PIK3C2G: variants seen among roughly 807,000 people sequenced by gnomAD.
PIK3C2G encodes phosphatidylinositol-4-phosphate 3-kinase catalytic subunit type 2 gamma.
Under a neutral mutation model 181.1 loss-of-function variants are expected in PIK3C2G, and 168 were observed. The observed-to-expected ratio is 0.93, with a 90% CI of 0.82 to 1.05. PIK3C2G has a LOEUF of 1.05. PIK3C2G is among the 50% of genes least tolerant of loss of function. The pLI is 0.00. For missense variants in PIK3C2G, 1,869 were observed against 1,732.8 expected (o/e 1.08, Z -1.40); for synonymous variants, 573 against 592.2 (o/e 0.97, Z 0.47).
chr12:18,701,837 T>C, the PIK3C2G span: 1 of 1,544,904 alleles, frequency 6.5e-7, no homozygotes, highest in Non-Finnish European at 8.7e-7. Context: ...ATTGTAACAG[T>C]CACTGAAAAG....
At chr12:18,494,685 A>G (rs1397130504) in intron 20 of PIK3C2G, among the ~76,000 whole-genome samples, 1 of 146,210 alleles carries the variant, frequency 6.8e-6, no homozygotes, top group East Asian at 2.1e-4. Context: ...CAGAATTTAA[A>G]AACCACTGAT....
chr12:18,405,294 TGAAGCTACG>T (rs1944459642), intron 16 of PIK3C2G, among the ~76,000 whole-genome samples: 1 of 152,152 alleles, frequency 6.6e-6, no homozygotes, highest in Non-Finnish European at 1.5e-5. Context: ...AGGCAGTAGT[TGAAGCTACG>T]GAAGTAGAGG....
intron 18 of PIK3C2G, among the ~76,000 whole-genome samples, chr12:18,474,675 G>A (rs957987128): frequency 2.0e-5 from 3 of 152,074 alleles, no homozygotes; most frequent in African/African-American, 7.2e-5. Flanking sequence ...AAGAAGATGA[G>A]TTAAGCATTA....
At chr12:18,491,636 C>A in intron 20 of PIK3C2G, 78 bp downstream of exon 20, 1 of 768,566 alleles carries the variant, frequency 1.3e-6, no homozygotes, top group Non-Finnish European at 2.1e-6. Flanking sequence ...TTTGAAATGG[C>A]AAAAAGAATT....
chr12:18,414,557 TATATC>T (rs1399057174), intron 16 of PIK3C2G, among the ~76,000 whole-genome samples: 4 of 152,078 alleles, frequency 2.6e-5, no homozygotes, highest in Non-Finnish European at 4.4e-5. Context: ...ATCACATAGT[TATATC>T]ATATTTAATT....
At chr12:18,647,169 A>G (rs1950181746) in intron 32 of PIK3C2G, among the ~76,000 whole-genome samples, 1 of 152,168 alleles carries the variant, frequency 6.6e-6, no homozygotes, top group Admixed American at 6.6e-5. Flanking sequence ...AAGTAACCAC[A>G]GTATTATGCC....
chr12:18,636,748 G>A (rs2136766995), intron 31 of PIK3C2G, among the ~76,000 whole-genome samples: 1 of 152,244 alleles, frequency 6.6e-6, no homozygotes, highest in East Asian at 1.9e-4. Context: ...AGGATGTGGT[G>A]GGATTCACCC....
chr12:18,468,958 C>T (rs887658851), intron 18 of PIK3C2G, among the ~76,000 whole-genome samples: 5 of 152,010 alleles, frequency 3.3e-5, no homozygotes, highest in African/African-American at 1.2e-4. Context: ...AAGCCAATGA[C>T]TAAAATATAT....
At position 18,566,928 on chromosome 12, in the gene PIK3C2G, C is replaced by CT. The variant is rs146706404; in HGVS notation, c.3903-13dup. On this transcript the variant is annotated intron_variant, in intron 28 of 32. Transcript: ENST00000538779. ...CCAGTTTTCAAACTAATGAAGATAA[C>CT]TTTTTTTTCTCTTAAAACAGGTTTC... 12,104 of 1,322,818 alleles carry CT rather than the reference C, an allele frequency of 9.2e-3. 230 individuals are homozygous for CT. Among genetic ancestry groups the CT allele is most frequent in the African/African-American group, 0.079 (5,426 of 68,600 alleles). The allele number at this position is 1,322,818 out of a possible 1,614,324, so 81.9% of individuals were successfully genotyped here. A position where few individuals can be genotyped will look rare whatever the true frequency, so the allele number is the denominator to read the frequency against.
intron 14 of PIK3C2G, among the ~76,000 whole-genome samples, chr12:18,385,429 C>T (rs1186208283): frequency 6.6e-6 from 1 of 152,154 alleles, no homozygotes; most frequent in African/African-American, 2.4e-5. Context: ...TACTGCTTGA[C>T]TCACTTAGCC....
intron 31 of PIK3C2G, among the ~76,000 whole-genome samples, chr12:18,615,369 GT>G (rs1430217313): frequency 1.4e-5 from 1 of 70,650 alleles, no homozygotes; most frequent in Non-Finnish European, 3.1e-5. Flanking sequence ...GTGTGTGTGT[GT>G]ATGTGTATAT....
chr12:18,292,223 A>T (rs201771504), intron 4 of PIK3C2G, among the ~76,000 whole-genome samples: 30 of 64,450 alleles, frequency 4.7e-4, no homozygotes, highest in South Asian at 2.0e-3. Flanking sequence ...AAAAAAAAAA[A>T]AAAAATATAT....
the PIK3C2G span, among the ~76,000 whole-genome samples, chr12:18,657,819 A>AG: frequency 6.6e-6 from 1 of 152,102 alleles, no homozygotes; most frequent in Non-Finnish European, 1.5e-5. Flanking sequence ...GCCCATACAC[A>AG]GAAAAAAAAG....
chr12:18,697,702 A>G, the PIK3C2G span, among the ~76,000 whole-genome samples: 46,263 of 151,700 alleles, frequency 0.3, 7,793 homozygotes, highest in East Asian at 0.47. Context: ...TATAATTTTT[A>G]GTTGAATGAT....
intron 2 of PIK3C2G, 86 bp downstream of exon 2, chr12:18,282,845 C>A: frequency 1.1e-6 from 1 of 938,694 alleles, no homozygotes; most frequent in East Asian, 2.6e-5. Context: ...ATGAAGATAA[C>A]TAAACTTAAA....
downstream of PIK3C2G, among the ~76,000 whole-genome samples, chr12:18,650,932 C>T (rs1270992087): frequency 2.0e-5 from 3 of 151,510 alleles, no homozygotes; most frequent in Non-Finnish European, 2.9e-5. Context: ...CCTTTCTATG[C>T]TTACTCTGCT....
chr12:18,257,680 GAAA>G (rs778633092), upstream of PIK3C2G, among the ~76,000 whole-genome samples: 1 of 146,928 alleles, frequency 6.8e-6, no homozygotes, highest in Non-Finnish European at 1.5e-5. Context: ...AAGAGAGAAA[GAAA>G]GAAGAAAAAA....
At chr12:18,711,242 G>A in the PIK3C2G span, among the ~76,000 whole-genome samples, 1 of 151,570 alleles carries the variant, frequency 6.6e-6, no homozygotes. Context: ...TAGAGACATG[G>A]ATGAAACTGG....
intron 10 of PIK3C2G, among the ~76,000 whole-genome samples, chr12:18,344,787 C>T (rs137979681): frequency 2.6e-5 from 4 of 152,146 alleles, no homozygotes; most frequent in South Asian, 2.1e-4. Context: ...AAATTAGGTG[C>T]GATAAACACT....
Sources: allele counts gnomAD v4.1 joint callset (sites outside exome capture counted in the v4.1 genomes callset), GRCh38; gene constraint gnomAD v4.1.1; transcripts MANE v1.5; gene names NCBI Gene and HGNC (gene_info 2026-07-23, HGNC 2026-07-21).